The following SHANK2 variants were observed in gnomAD, a reference collection of about 807,000 sequenced individuals.
SHANK2 encodes the protein SH3 and multiple ankyrin repeat domains 2.
A neutral mutation model predicts 133.7 loss-of-function variants in SHANK2; 43 were observed. The observed-to-expected ratio is 0.32, with a 90% CI of 0.25 to 0.41. The LOEUF (loss-of-function observed/expected upper bound fraction) is 0.41, where lower values mean the gene tolerates loss of function less well. SHANK2 is among the 10% of genes least tolerant of loss of function. The pLI is 1.00. For missense variants in SHANK2, 1,994 were observed against 2,235.8 expected (o/e 0.89, Z 2.18); for synonymous variants, 1,017 against 952.8 (o/e 1.07, Z -1.24).
At chr11:70,835,041 AAG>A (rs1338570345) in intron 11 of SHANK2, among the ~76,000 whole-genome samples, 1 of 152,124 alleles carries the variant, frequency 6.6e-6, no homozygotes, top group Non-Finnish European at 1.5e-5. Context: ...TCTGACCACA[AAG>A]AGAGGTGAGG....
intron 14 of SHANK2, among the ~76,000 whole-genome samples, chr11:70,732,839 T>G (rs1352440619): frequency 6.6e-6 from 1 of 152,224 alleles, no homozygotes; most frequent in Non-Finnish European, 1.5e-5. Context: ...GCAGCTGCCA[T>G]TTCCCTGCAG....
chr11:70,721,826 G>A (rs1002568055), intron 14 of SHANK2, among the ~76,000 whole-genome samples: 8 of 152,264 alleles, frequency 5.3e-5, no homozygotes, highest in South Asian at 2.1e-4. Flanking sequence ...GAAGCACAGC[G>A]TGTTTTGAGC....
At chr11:70,665,420 G>T (rs562335858) in intron 15 of SHANK2, among the ~76,000 whole-genome samples, 1 of 152,096 alleles carries the variant, frequency 6.6e-6, no homozygotes, top group African/African-American at 2.4e-5. Flanking sequence ...GATTATAGAC[G>T]TGAGCCACCA....
At chr11:70,549,723 G>A (rs1443127212) in intron 17 of SHANK2, among the ~76,000 whole-genome samples, 1 of 152,246 alleles carries the variant, frequency 6.6e-6, no homozygotes, top group Non-Finnish European at 1.5e-5. Flanking sequence ...GGAATCTTCA[G>A]CCCTGTTGGA....
intron 17 of SHANK2, among the ~76,000 whole-genome samples, chr11:70,539,323 A>G (rs2059583898): frequency 6.6e-6 from 1 of 152,220 alleles, no homozygotes; most frequent in Non-Finnish European, 1.5e-5. Context: ...GACTGGAGAC[A>G]TTAAATGATG....
At chr11:71,251,313 C>T (rs929694647) in intron 1 of SHANK2, among the ~76,000 whole-genome samples, 3 of 152,214 alleles carry the variant, frequency 2.0e-5, no homozygotes, top group Admixed American at 2.0e-4. Context: ...GGGCGCCGCG[C>T]TGCACCCCCA....
At chr11:71,134,874 C>T (rs1952408006) in intron 3 of SHANK2, among the ~76,000 whole-genome samples, 1 of 152,100 alleles carries the variant, frequency 6.6e-6, no homozygotes, top group Admixed American at 6.5e-5. Context: ...CCTGGAGCCC[C>T]CATCTCTTCT....
intron 1 of SHANK2, among the ~76,000 whole-genome samples, chr11:71,250,456 G>C (rs1020750710): frequency 6.6e-6 from 1 of 152,116 alleles, no homozygotes; most frequent in African/African-American, 2.4e-5. Flanking sequence ...AGTGACATCC[G>C]GCATAGAAAC....
chr11:70,537,036 A>G (rs1554974288), intron 17 of SHANK2, among the ~76,000 whole-genome samples: 1 of 152,210 alleles, frequency 6.6e-6, no homozygotes, highest in East Asian at 1.9e-4. Context: ...GGTTCCCCAG[A>G]TGAGGCTGGG....
intron 8 of SHANK2, among the ~76,000 whole-genome samples, chr11:71,090,625 CTGTGTGTGTG>C (rs782587800): frequency 2.2e-4 from 23 of 102,940 alleles, no homozygotes; most frequent in Middle Eastern, 5.6e-3. Context: ...AACACAACCT[CTGTGTGTGTG>C]TGTGTGTGTG....
At chr11:70,900,131 G>A (rs994845836) in intron 10 of SHANK2, among the ~76,000 whole-genome samples, 7 of 152,108 alleles carry the variant, frequency 4.6e-5, no homozygotes, top group African/African-American at 7.2e-5. Context: ...TGAGGCAGGC[G>A]GATCACTAGG....
At chr11:70,863,359 C>T (rs1380832955) in intron 11 of SHANK2, 9 of 457,914 alleles carry the variant, frequency 2.0e-5, no homozygotes, top group Non-Finnish European at 3.5e-5. Context: ...GAACACAGCC[C>T]GACCTCATCC....
chr11:70,766,130 G>A lies in SHANK2; in HGVS notation c.1777+32313C>T, dbSNP rs536521563. ...TGTGCATGTCCTTAAAAGAGGGAAT[G>A]TTTTCTTGAACCTTTCGCTCTTCCT... On this transcript the variant is annotated intron_variant, in intron 14 of 25. Transcript: ENST00000601538. Among the ~76,000 whole-genome samples the A allele has an allele frequency of 4.3e-3, 658 of 152,318 alleles. 5 individuals carry two copies. Among genetic ancestry groups the A allele is most frequent in the African/African-American group, 0.015 (625 of 41,560 alleles).
Position 70,615,729 on chromosome 11 carries a change from T to C in SHANK2, c.2061+44099A>G, listed in dbSNP as rs948187. Among the ~76,000 whole-genome samples, 960 of 152,344 alleles carry C rather than the reference T, an allele frequency of 6.3e-3. 4 individuals are homozygous for C. The highest frequency in any genetic ancestry group is 0.011 in the Admixed American group (175 of 15,308). On this transcript the variant is annotated intron_variant, in intron 17 of 25. Transcript: ENST00000601538. ...GGTGGTAAGCGGCGCGTGGTGAACC[T>C]GCTCCACACCTTGGGGCAGAGCTGT...
At chr11:70,609,532 C>T (rs547462349) in intron 17 of SHANK2, among the ~76,000 whole-genome samples, 6 of 152,140 alleles carry the variant, frequency 3.9e-5, no homozygotes, top group Admixed American at 2.6e-4. Context: ...CCGTGATGGC[C>T]GAGAGGCGGT....
intron 2 of SHANK2, among the ~76,000 whole-genome samples, chr11:71,155,032 A>C (rs1363670053): frequency 3.5e-4 from 23 of 65,600 alleles, no homozygotes; most frequent in Admixed American, 7.9e-4. Flanking sequence ...GACCTACCCC[A>C]GCCCACGCTC....
chr11:70,813,621 A>G (rs1398931135), intron 12 of SHANK2, among the ~76,000 whole-genome samples: 1 of 152,058 alleles, frequency 6.6e-6, no homozygotes, highest in Non-Finnish European at 1.5e-5. Flanking sequence ...AGGGGAATAG[A>G]GAAAGCTGTC....
At chr11:70,831,873 C>T (rs563114754) in intron 11 of SHANK2, among the ~76,000 whole-genome samples, 1 of 152,200 alleles carries the variant, frequency 6.6e-6, no homozygotes, top group African/African-American at 2.4e-5. Context: ...GGAGTCAAGA[C>T]GCAGGTTTGG....
chr11:70,472,982 C>G lies in SHANK2; in HGVS notation c.5437G>C (p.Asp1813His). The change falls in exon 26 of 26, where the codon GAT (aspartate) becomes CAT (histidine). Residue 1813 changes from aspartate (D) to histidine (H), a missense_variant. Physicochemically the swap from Asp to His is moderately conservative, Grantham distance 81. Transcript: ENST00000601538. The surrounding 1 kb of genome is among the most constrained non-coding windows in gnomAD (Gnocchi z 4.4). Reference protein sequence around the residue: ...HKEAFMDNEIDGSHLPNLQKE... With the variant: ...HKEAFMDNEIHGSHLPNLQKE... The stretch of plus-strand genomic sequence containing the variant: ...TGCAGGTTTGGTAAGTGACTGCCAT[C>G]GATCTCATTGTCCATGAAGGCCTCT... 6.2e-7 allele frequency: 1 copy of G among 1,614,236 alleles called. No homozygotes were observed. The highest frequency in any genetic ancestry group is 8.5e-7 in the Non-Finnish European group (1 of 1,180,046).
Sources: allele counts gnomAD v4.1 joint callset (sites outside exome capture counted in the v4.1 genomes callset), GRCh38; gene constraint gnomAD v4.1.1; non-coding constraint Gnocchi (gnomAD v3.1); transcripts MANE v1.5; gene names NCBI Gene and HGNC (gene_info 2026-07-23, HGNC 2026-07-21).